Variants in RBFOX1 observed in about 807,000 individuals in gnomAD.
RBFOX1 encodes the protein RNA binding protein fox-1 homolog 1.
A neutral mutation model predicts 57.7 loss-of-function variants in RBFOX1; 8 were observed. The ratio of observed to expected loss-of-function variants is 0.14; its 90% CI spans 0.08 to 0.25. The LOEUF (loss-of-function observed/expected upper bound fraction) is 0.25, where lower values mean the gene tolerates loss of function less well. Among genes scored for constraint, RBFOX1 ranks in the 10% least tolerant of loss-of-function variants. The pLI is 1.00. For missense variants in RBFOX1, 611 were observed against 548.5 expected, an observed-to-expected ratio of 1.11 and a Z score of -1.14; for synonymous variants, 326 against 222.4, an observed-to-expected ratio of 1.47 and a Z score of -4.15.
intron 4 of RBFOX1, among the ~76,000 whole-genome samples, chr16:7,147,688 A>G (rs1360898182): frequency 6.6e-6 from 1 of 152,126 alleles, no homozygotes; most frequent in Non-Finnish European, 1.5e-5. Flanking sequence ...CATGTTGTGT[A>G]TGGACCACAT....
chr16:5,322,494 G>T (rs2151252910), intron 1 of RBFOX1, among the ~76,000 whole-genome samples: 1 of 152,280 alleles, frequency 6.6e-6, no homozygotes, highest in South Asian at 2.1e-4. Flanking sequence ...TCTCATGATG[G>T]CATCCGTCCT....
At chr16:7,014,043 G>T (rs922622340) in intron 3 of RBFOX1, among the ~76,000 whole-genome samples, 31 of 152,160 alleles carry the variant, frequency 2.0e-4, no homozygotes, top group African/African-American at 7.0e-4. Flanking sequence ...GATGAAATAT[G>T]TAACAGTATT....
At chr16:6,998,847 C>G (rs1204043884) in intron 3 of RBFOX1, among the ~76,000 whole-genome samples, 1 of 151,806 alleles carries the variant, frequency 6.6e-6, no homozygotes, top group Non-Finnish European at 1.5e-5. Context: ...CATGTTTCTT[C>G]TTTTTTTAAT....
intron 4 of RBFOX1, among the ~76,000 whole-genome samples, chr16:7,332,129 G>C (rs754499987): frequency 6.6e-6 from 1 of 152,328 alleles, no homozygotes; most frequent in African/African-American, 2.4e-5. Flanking sequence ...AGTGAAAACA[G>C]TGTTGTGGTT....
At chr16:5,908,223 TAC>T (rs2058519718) in intron 4 of RBFOX1, among the ~76,000 whole-genome samples, 2 of 144,892 alleles carry the variant, frequency 1.4e-5, no homozygotes, top group African/African-American at 2.7e-5. Context: ...TATACATATA[TAC>T]ACACATATAT....
At position 6,054,780 on chromosome 16, in the gene RBFOX1, T is replaced by A. The variant is rs576795382; in HGVS notation, c.-127+34788T>A. 2.7e-3 allele frequency among the ~76,000 whole-genome samples: 409 copies of A among 152,188 alleles called. 2 individuals carry two copies. The highest frequency in any genetic ancestry group is 8.4e-3 in the African/African-American group (350 of 41,514). Reference sequence around the variant, plus strand: ...ATGTTATGCTATATTGGCTACTTTTTTTATTATTATTATTATTTTTGAGAC... The same window carrying A: ...ATGTTATGCTATATTGGCTACTTTTATTATTATTATTATTATTTTTGAGAC... On this transcript the variant is annotated intron_variant, in intron 1 of 15. Coordinates refer to ENST00000550418, the MANE Select transcript of RBFOX1 (RefSeq NM_018723.4).
chr16:6,665,155 A>C (rs532586522), intron 3 of RBFOX1, among the ~76,000 whole-genome samples: 1 of 152,238 alleles, frequency 6.6e-6, no homozygotes, highest in East Asian at 1.9e-4. Context: ...ATTAACTCCC[A>C]CCTGTGGAGA....
chr16:6,039,988 A>T (rs1055030388), intron 1 of RBFOX1, among the ~76,000 whole-genome samples: 2 of 152,216 alleles, frequency 1.3e-5, no homozygotes, highest in Non-Finnish European at 2.9e-5. Context: ...ACAGCATGGC[A>T]GCTTTTGTCC....
intron 3 of RBFOX1, among the ~76,000 whole-genome samples, chr16:6,761,886 C>A (rs964928629): frequency 2.0e-5 from 3 of 152,114 alleles, no homozygotes; most frequent in Non-Finnish European, 4.4e-5. Flanking sequence ...CAGGTACCTT[C>A]TTCCTCACTC....
intron 4 of RBFOX1, among the ~76,000 whole-genome samples, chr16:7,412,404 C>T (rs2098438100): frequency 1.1e-5 from 1 of 92,764 alleles, no homozygotes; most frequent in South Asian, 4.6e-4. Flanking sequence ...AACAGAGTGA[C>T]ATTCTGCCAA....
chr16:7,132,863 G>T (rs2070893530), intron 4 of RBFOX1, among the ~76,000 whole-genome samples: 1 of 152,102 alleles, frequency 6.6e-6, no homozygotes, highest in African/African-American at 2.4e-5. Flanking sequence ...AGAGAATGCT[G>T]CCACGTGGTG....
chr16:6,782,406 AGTT>A (rs1453551366), intron 3 of RBFOX1, among the ~76,000 whole-genome samples: 67 of 152,244 alleles, frequency 4.4e-4, no homozygotes, highest in African/African-American at 1.5e-3. Flanking sequence ...TTCATCCAGT[AGTT>A]ATTCAGGAGC....
chr16:6,619,407 G>A (rs182131650), intron 2 of RBFOX1, among the ~76,000 whole-genome samples: 1 of 152,300 alleles, frequency 6.6e-6, no homozygotes, highest in Admixed American at 6.5e-5. Flanking sequence ...AGGGCTTGTT[G>A]ATGTTCCCTT....
chr16:6,541,441 T>C (rs571203548), intron 2 of RBFOX1, among the ~76,000 whole-genome samples: 4 of 152,312 alleles, frequency 2.6e-5, no homozygotes, highest in South Asian at 4.1e-4. Flanking sequence ...TTGGTCACAG[T>C]GCAGGGATCA....
At chr16:5,370,384 G>A (rs980437898) in intron 1 of RBFOX1, among the ~76,000 whole-genome samples, 2 of 151,566 alleles carry the variant, frequency 1.3e-5, no homozygotes, top group African/African-American at 2.4e-5. Flanking sequence ...GATGCTATGA[G>A]CTGTGGATGC....
chr16:5,864,146 T>A (rs377438072), intron 3 of RBFOX1, among the ~76,000 whole-genome samples: 12 of 152,314 alleles, frequency 7.9e-5, no homozygotes, highest in Admixed American at 3.3e-4. Flanking sequence ...TAGGTGAGGA[T>A]ATGCAGTATT....
intron 4 of RBFOX1, among the ~76,000 whole-genome samples, chr16:7,382,684 A>G (rs1367347856): frequency 5.3e-5 from 8 of 152,356 alleles, no homozygotes; most frequent in Non-Finnish European, 1.2e-4. Flanking sequence ...TTCATTTTCT[A>G]ACAGAGGATA....
In RBFOX1 at chr16:6,684,130, A is replaced by G. The variant is rs191639984; in HGVS notation, c.-16+29480A>G. 1.1e-3 allele frequency among the ~76,000 whole-genome samples: 165 copies of G among 152,302 alleles called. 1 individual carries two copies. Among genetic ancestry groups the G allele is most frequent in the Admixed American group, 9.0e-3 (137 of 15,306 alleles). Reference sequence around the variant, plus strand: ...TAGCAGAATTTCCTGATGGTTTTCAATGGTATCAGCATGCTTTTATGGTTC... The same window carrying G: ...TAGCAGAATTTCCTGATGGTTTTCAGTGGTATCAGCATGCTTTTATGGTTC... On this transcript the variant is annotated intron_variant, in intron 3 of 15. Coordinates refer to ENST00000550418, the MANE Select transcript of RBFOX1 (RefSeq NM_018723.4).
intron 3 of RBFOX1, among the ~76,000 whole-genome samples, chr16:6,826,524 G>C (rs76749516): frequency 3.9e-5 from 6 of 152,168 alleles, no homozygotes; most frequent in Non-Finnish European, 7.3e-5. Context: ...ATAAGTGGCA[G>C]TGTGGGCACA....
Sources: allele counts gnomAD v4.1 joint callset (sites outside exome capture counted in the v4.1 genomes callset), GRCh38; gene constraint gnomAD v4.1.1; transcripts MANE v1.5; gene names NCBI Gene and HGNC (gene_info 2026-07-23, HGNC 2026-07-21).